BPTF: variants seen among roughly 807,000 people sequenced by gnomAD.
BPTF encodes nucleosome-remodeling factor subunit BPTF.
BPTF carries 18 observed loss-of-function variants against 292.5 expected under a neutral mutation model. The ratio of observed to expected loss-of-function variants is 0.06; its 90% CI spans 0.04 to 0.09. The LOEUF (loss-of-function observed/expected upper bound fraction) is 0.09. BPTF is among the 10% of genes least tolerant of loss of function. The probability of loss-of-function intolerance (pLI) is 1.00; values close to 1 mark genes in which losing one functional copy is unlikely to be tolerated. For missense variants in BPTF, 2,726 were observed against 3,498.7 expected (o/e 0.78, Z 5.57); for synonymous variants, 1,225 against 1,251.9 (o/e 0.98, Z 0.45).
rs761282503 is a variant in BPTF at position 67,891,968 on chromosome 17, G to A, written c.1989G>A (p.Gln663=). The change falls in exon 5 of 28, where the codon CAG becomes CAA. Residue 663 remains glutamine (Q), a synonymous_variant. Transcript: ENST00000306378. ...RLRNPDSKLS[Q]LKSQQVAAAA... ...GGAATCCAGATAGCAAACTTAGTCA[G>A]CTGAAGAGCCAGCAGGTGGCAGCCG... 1 of 1,611,604 alleles carries A rather than the reference G, an allele frequency of 6.2e-7. No homozygotes were observed. Among genetic ancestry groups the A allele is most frequent in the African/African-American group, 1.3e-5 (1 of 74,874 alleles).
At chr17:67,903,665 G>T in intron 7 of BPTF, 124 bp from the exon 8 acceptor site, 1 of 813,450 alleles carries the variant, frequency 1.2e-6, no homozygotes, top group East Asian at 3.1e-5. Context: ...TTTGTCAGTT[G>T]GGGTTGTCTG....
At chr17:67,963,623 C>T (rs2067722297) in intron 24 of BPTF, 1 of 1,094,780 alleles carries the variant, frequency 9.1e-7, no homozygotes, top group South Asian at 3.3e-5. Context: ...TATACACTTA[C>T]ATTACAAATT....
Position 67,944,190 on chromosome 17 carries a change from G to C in BPTF, c.6518G>C (p.Gly2173Ala). Residue 2173 changes from glycine (G) to alanine (A), a missense_variant, in exon 20 of 28, where the codon GGT becomes GCT. Physicochemically the swap from Gly to Ala is moderately conservative, Grantham distance 60. Transcript: ENST00000306378. Reference protein sequence around the residue: ...QGLTVVIQGQGQTTGQLQLIP... With the variant: ...QGLTVVIQGQAQTTGQLQLIP... ...TTGACAGTAGTAATTCAAGGACAAG[G>C]TCAAACTACTGGACAGTTGCAGTTG... is the stretch of plus-strand genomic sequence containing the variant. 1 of 1,614,200 alleles carries C rather than the reference G, an allele frequency of 6.2e-7. No homozygotes were observed. Among genetic ancestry groups the C allele is most frequent in the Non-Finnish European group, 8.5e-7 (1 of 1,180,036 alleles).
At chr17:67,930,856 A>G (rs2064317265) in intron 17 of BPTF, among the ~76,000 whole-genome samples, 1 of 151,996 alleles carries the variant, frequency 6.6e-6, no homozygotes, top group Admixed American at 6.6e-5. Context: ...TTGGGAGGGT[A>G]AGGGACGAGA....
chr17:67,956,469 C>T (rs1297874447), intron 23 of BPTF: 4 of 152,028 alleles, frequency 2.6e-5, no homozygotes, highest in African/African-American at 9.7e-5. Flanking sequence ...AGGCATGTGC[C>T]ACCACACCTG....
At chr17:67,853,914 T>C (rs544473191) in intron 1 of BPTF, 26 bp from the exon 2 acceptor site, 1 of 1,560,946 alleles carries the variant, frequency 6.4e-7, no homozygotes, top group Non-Finnish European at 8.8e-7. Context: ...TATTGATTTG[T>C]AATGATGTCA....
In BPTF at chr17:67,869,810, C is replaced by T. The variant is rs573470116; in HGVS notation, c.1660+3123C>T. Among the ~76,000 whole-genome samples, 304 of 141,772 alleles carry T rather than the reference C, an allele frequency of 2.1e-3. 3 individuals carry two copies. The highest frequency in any genetic ancestry group is 7.1e-3 in the African/African-American group (270 of 38,242). 93.0% of individuals were successfully genotyped at this position (141,772 alleles called of 152,430 possible). A position where few individuals can be genotyped will look rare whatever the true frequency, so the allele number is the denominator to read the frequency against. On this transcript the variant is annotated intron_variant, in intron 3 of 27. Coordinates refer to ENST00000306378, the MANE Select transcript of BPTF (RefSeq NM_182641.4). ...CATCCTGGCTAACATGGTGAAACCCCGTCTCTACTAAAAATACAAAAAAAA... is the reference window on the plus strand; with the variant it reads ...CATCCTGGCTAACATGGTGAAACCCTGTCTCTACTAAAAATACAAAAAAAA...
At chr17:67,855,348 G>A (rs2058628273) in intron 2 of BPTF, among the ~76,000 whole-genome samples, 2 of 152,010 alleles carry the variant, frequency 1.3e-5, no homozygotes, top group African/African-American at 2.4e-5. Context: ...TGCCACTGTG[G>A]GCCTGTTTTT....
Position 67,930,451 on chromosome 17 carries a change from G to A in BPTF, c.6150+964G>A, listed in dbSNP as rs192155502. On this transcript the variant is annotated intron_variant, in intron 17 of 27. Transcript: ENST00000306378. ...TGACCTCAGGTGATCCACCTGTCTC[G>A]GCCTCCCAAAGTGCTGGGATTACAG... Among the ~76,000 whole-genome samples, 9 of 151,872 alleles carry A rather than the reference G, an allele frequency of 5.9e-5. No individual in the cohort carries two copies. In the East Asian group the frequency reaches 1.4e-3, roughly 23 times the overall value.
chr17:67,845,189 CAT>C (rs2057942962), intron 1 of BPTF, among the ~76,000 whole-genome samples: 2 of 152,148 alleles, frequency 1.3e-5, no homozygotes, highest in African/African-American at 2.4e-5. Flanking sequence ...GTAAAGGTGA[CAT>C]GTGCTAGAAT....
intron 26 of BPTF, among the ~76,000 whole-genome samples, chr17:67,969,159 A>G (rs1479274642): frequency 2.0e-5 from 3 of 151,030 alleles, no homozygotes; most frequent in Admixed American, 2.0e-4. Flanking sequence ...TTTTTGAATC[A>G]GCCAAGGCCA....
At chr17:67,923,698 T>C (rs1452484015) in intron 14 of BPTF, among the ~76,000 whole-genome samples, 2 of 151,558 alleles carry the variant, frequency 1.3e-5, no homozygotes, top group African/African-American at 4.8e-5. Flanking sequence ...CAGGCTGGTC[T>C]CGAACTCCTG....
rs1568143530 is a variant in BPTF, at chr17:67,945,958, C to T, written c.7250C>T (p.Ser2417Phe). Residue 2417 changes from serine to phenylalanine, a missense_variant, in exon 21 of 28, where the codon TCC becomes TTC. Coordinates refer to ENST00000306378, the MANE Select transcript of BPTF (RefSeq NM_182641.4). ...ACTTTAAATCAAGTTACTGTTTCAT[C>T]CCCATCCCGTCCTCAGCTACAAATA... ...GQTLNQVTVS[S>F]PSRPQLQIQQ... 1 of 1,614,204 alleles carries T rather than the reference C, an allele frequency of 6.2e-7. No individual in the cohort carries two copies.
intron 22 of BPTF, 116 bp downstream of exon 22, chr17:67,947,924 T>A: frequency 8.1e-7 from 1 of 1,240,306 alleles, no homozygotes; most frequent in Non-Finnish European, 1.1e-6. Flanking sequence ...ATGAGAACAC[T>A]TGGCACTAAT....
At chr17:67,918,682 A>G (rs1568070434) in intron 11 of BPTF, 32 bp from the exon 12 acceptor site, 2 of 1,590,266 alleles carry the variant, frequency 1.3e-6, no homozygotes, top group Non-Finnish European at 1.7e-6. Flanking sequence ...ATACATATAG[A>G]TATATATGGA....
At chr17:67,881,979 C>A in intron 4 of BPTF, among the ~76,000 whole-genome samples, 1 of 148,338 alleles carries the variant, frequency 6.7e-6, no homozygotes, top group East Asian at 2.0e-4. Flanking sequence ...GGATTACAGG[C>A]GCCCACAACC....
Position 67,854,205 on chromosome 17 carries a change from A to G in BPTF, c.879A>G (p.Ala293=). 1 of 1,614,240 alleles carries G rather than the reference A, an allele frequency of 6.2e-7. No individual in the cohort carries two copies. The highest frequency in any genetic ancestry group is 8.5e-7 in the Non-Finnish European group (1 of 1,180,046). ...AGATGCATGTTGTGCTTTTGAAAGC[A>G]GTTCTGCGTGAAGAAGACACTTCCA... ...MAEMHVVLLK[A]VLREEDTSNT... Residue 293 remains alanine (A), a synonymous_variant, in exon 2 of 28, where the codon GCA becomes GCG. Coordinates refer to ENST00000306378, the MANE Select transcript of BPTF (RefSeq NM_182641.4). The surrounding 1 kb of genome is among the most constrained non-coding windows in gnomAD (Gnocchi z 5.6).
At chr17:67,887,156 A>G (rs1177289929) in intron 4 of BPTF, among the ~76,000 whole-genome samples, 1 of 152,110 alleles carries the variant, frequency 6.6e-6, no homozygotes, top group Non-Finnish European at 1.5e-5. Flanking sequence ...TCCTCTTAAC[A>G]TTTTTGCCAA....
chr17:67,863,939 T>C (rs1415135481), intron 2 of BPTF, among the ~76,000 whole-genome samples: 4 of 143,066 alleles, frequency 2.8e-5, no homozygotes, highest in Non-Finnish European at 3.1e-5. Context: ...TTGCTCTTAA[T>C]TATATTTTTA....
Sources: gnomAD v4.1 joint callset for allele counts (sites outside exome capture counted in the v4.1 genomes callset) on GRCh38, gnomAD v4.1.1 for gene constraint, Gnocchi (gnomAD v3.1) non-coding constraint, MANE v1.5 for transcripts, NCBI Gene and HGNC (gene_info 2026-07-23, HGNC 2026-07-21) for gene names.